OTC: variants seen among roughly 807,000 people sequenced by gnomAD.
OTC encodes the protein ornithine transcarbamylase.
OTC carries 3 observed loss-of-function variants against 30.3 expected under a neutral mutation model. The observed-to-expected ratio is 0.10, with a 90% CI of 0.05 to 0.26. OTC has a LOEUF of 0.26. Among genes scored for constraint, OTC ranks in the 10% least tolerant of loss-of-function variants. The pLI, the probability that OTC is intolerant of heterozygous loss-of-function variation, is 1.00. For synonymous variants in OTC, 111 were observed against 99.7 expected (o/e 1.11, Z -0.67); for missense variants, 194 against 260.3 (o/e 0.75, Z 1.75).
At chrX:38,350,905 G>C (rs1305717489), upstream of OTC, among the ~76,000 whole-genome samples, 1 of 111,886 alleles carries the variant, frequency 8.9e-6, no homozygotes, top group East Asian at 2.8e-4. Flanking sequence ...TTAGCCTGTG[G>C]TTTGGCCTCA....
chrX:38,413,672 T>TG (rs201342809), intron 9 of OTC, among the ~76,000 whole-genome samples: 6 of 104,955 alleles, frequency 5.7e-5, no homozygotes, highest in African/African-American at 1.4e-4. Flanking sequence ...TCTATTTTTT[T>TG]TTTTTGTTTT....
chrX:38,373,358 A>G (rs1329750221), intron 3 of OTC, among the ~76,000 whole-genome samples: 1 of 112,532 alleles, frequency 8.9e-6, no homozygotes, highest in African/African-American at 3.2e-5. Flanking sequence ...GTATCGATGT[A>G]GCTGTGTGTA....
intron 3 of OTC, among the ~76,000 whole-genome samples, chrX:38,377,876 C>G (rs1029074988): frequency 3.6e-5 from 4 of 110,956 alleles, no homozygotes; most frequent in African/African-American, 1.3e-4. Context: ...CTCACTCTCT[C>G]GCCCTGGCTG....
At chrX:38,408,399 A>C (rs1000226913) in intron 6 of OTC, among the ~76,000 whole-genome samples, 1 of 112,353 alleles carries the variant, frequency 8.9e-6, no homozygotes, top group African/African-American at 3.2e-5. Context: ...AAGATAGACA[A>C]ACATGCATTC....
the OTC span, among the ~76,000 whole-genome samples, chrX:38,336,538 T>TA: frequency 1.9e-5 from 2 of 107,955 alleles, no homozygotes; most frequent in African/African-American, 6.8e-5. Context: ...AAAATAAAAA[T>TA]AAAAAAAAGA....
chrX:38,383,091 G>GTTT, intron 4 of OTC, among the ~76,000 whole-genome samples: 1 of 104,020 alleles, frequency 9.6e-6, no homozygotes, highest in Non-Finnish European at 2.0e-5. Flanking sequence ...TCTGCTTACA[G>GTTT]TTTTTTTTTT....
chrX:38,383,866 A>G (rs1000335095), intron 4 of OTC, among the ~76,000 whole-genome samples: 1 of 111,446 alleles, frequency 9.0e-6, no homozygotes, highest in Non-Finnish European at 1.9e-5. Context: ...TTGCACGTCA[A>G]GAGGTCCCCA....
the OTC span, among the ~76,000 whole-genome samples, chrX:38,340,451 G>GGTTTTTTGTTT: frequency 2.7e-5 from 1 of 37,001 alleles, no homozygotes; most frequent in Non-Finnish European, 5.4e-5. Context: ...TCCCTTCATT[G>GGTTTTTTGTTT]TTTTTTTGTT....
chrX:38,378,444 G>GA (rs754528743), intron 3 of OTC, among the ~76,000 whole-genome samples: 6 of 107,746 alleles, frequency 5.6e-5, no homozygotes, highest in East Asian at 2.9e-4. Context: ...ACAAAAACTG[G>GA]AAAAAAAAGA....
chrX:38,383,226 A>G (rs779771172), intron 4 of OTC, among the ~76,000 whole-genome samples: 7 of 111,677 alleles, frequency 6.3e-5, no homozygotes, highest in African/African-American at 2.3e-4. Flanking sequence ...ATTTTGTCTT[A>G]TCCAAAACAC....
At chrX:38,406,648 A>C (rs2068517293) in intron 6 of OTC, among the ~76,000 whole-genome samples, 1 of 111,420 alleles carries the variant, frequency 9.0e-6, no homozygotes, top group Admixed American at 9.5e-5. Flanking sequence ...TATAAAACCT[A>C]CTCTCCAAAG....
chrX:38,386,855 A>G (rs960936579), intron 4 of OTC, among the ~76,000 whole-genome samples: 4 of 112,111 alleles, frequency 3.6e-5, no homozygotes, highest in African/African-American at 1.3e-4. Flanking sequence ...TCTATGTTCA[A>G]TTTTTCAAGG....
intron 1 of OTC, among the ~76,000 whole-genome samples, chrX:38,353,749 A>G (rs1218252237): frequency 1.8e-5 from 2 of 111,635 alleles, no homozygotes. Context: ...AATATTGTAA[A>G]TTAAGCCCAT....
intron 3 of OTC, among the ~76,000 whole-genome samples, chrX:38,372,261 G>A (rs982924263): frequency 3.6e-5 from 4 of 111,713 alleles, no homozygotes; most frequent in Non-Finnish European, 7.5e-5. Context: ...TTAATTATGT[G>A]TGTTATCTCA....
chrX:38,369,693 T>TA, intron 2 of OTC, 103 bp from the exon 3 acceptor site: 1 of 399,076 alleles, frequency 2.5e-6, no homozygotes, highest in Non-Finnish European at 4.2e-6. Context: ...TTTAAACACT[T>TA]ATTTGGGGGT....
At chrX:38,412,973 C>T (rs758808921) in intron 9 of OTC, among the ~76,000 whole-genome samples, 1 of 111,837 alleles carries the variant, frequency 8.9e-6, no homozygotes, top group South Asian at 3.8e-4. Context: ...TCCATTATAG[C>T]CACCACAGCT....
chrX:38,349,346 A>G (rs993334637), upstream of OTC, among the ~76,000 whole-genome samples: 2 of 112,656 alleles, frequency 1.8e-5, no homozygotes, highest in South Asian at 7.4e-4. Flanking sequence ...TTGAATGTCA[A>G]CTGAAAAGCT....
Position 38,375,532 on chromosome X carries a change from A to G in OTC, c.298+5655A>G, listed in dbSNP as rs559967683. Among the ~76,000 whole-genome samples, 63 of 111,410 alleles carry G rather than the reference A, an allele frequency of 5.7e-4. No individual in the cohort carries two copies. In the South Asian group the frequency reaches 6.1e-3, roughly 11 times the overall value. ...AGGGTAAGAGTAACAGATCCTAGGTATGTTTTGAAGAGAGAGACAACAAGA... is the reference window on the plus strand; with the variant it reads ...AGGGTAAGAGTAACAGATCCTAGGTGTGTTTTGAAGAGAGAGACAACAAGA... On this transcript the variant is annotated intron_variant, in intron 3 of 9. Transcript: ENST00000039007.
chrX:38,389,909 A>C (rs953321335), intron 4 of OTC, among the ~76,000 whole-genome samples: 3 of 111,869 alleles, frequency 2.7e-5, no homozygotes, highest in African/African-American at 9.7e-5. Flanking sequence ...GCACAGAAGA[A>C]ATTCAAGTAA....
Sources: allele counts gnomAD v4.1 joint callset (sites outside exome capture counted in the v4.1 genomes callset), GRCh38; gene constraint gnomAD v4.1.1; transcripts MANE v1.5; gene names NCBI Gene and HGNC (gene_info 2026-07-23, HGNC 2026-07-21).